SNX16: variants seen among roughly 807,000 people sequenced by gnomAD.
SNX16 encodes the protein sorting nexin 16, also known as sorting nexin-16.
SNX16 carries 35 observed loss-of-function variants against 36.7 expected under a neutral mutation model. That is an observed-to-expected ratio of 0.95 (90% CI 0.73 to 1.27). The LOEUF (loss-of-function observed/expected upper bound fraction) is 1.27. SNX16 is among the 50% of genes most tolerant of loss of function. The pLI, the probability that SNX16 is intolerant of heterozygous loss-of-function variation, is 0.00. For synonymous variants in SNX16, 134 were observed against 132.0 expected, an observed-to-expected ratio of 1.02 and a Z score of -0.10; for missense variants, 367 against 393.6, an observed-to-expected ratio of 0.93 and a Z score of 0.57.
chr8:81,805,839 T>G (rs1809911109), intron 5 of SNX16, among the ~76,000 whole-genome samples: 1 of 152,002 alleles, frequency 6.6e-6, no homozygotes, highest in Non-Finnish European at 1.5e-5. Flanking sequence ...GAGAATGGCG[T>G]GAACCTGGGA....
rs757337359 is a variant in SNX16, at chr8:81,839,825, C to T, written c.162G>A (p.Gln54=). ...TATCCATTTGATCAGGAACACTTGT[C>T]TGTTTAAAATTACCCATATTTGAGT... ...LEDSNMGNFK[Q]TSVPDQMDNT... is the part of the protein sequence containing the mutation. The change falls in exon 2 of 8, where the codon CAG becomes CAA. Residue 54 remains glutamine (Q), a synonymous_variant. Transcript: ENST00000345957. The T allele has an allele frequency of 1.3e-5, 21 of 1,613,604 alleles. No individual in the cohort carries two copies. The highest frequency in any genetic ancestry group is 1.7e-5 in the Non-Finnish European group (20 of 1,179,676).
chr8:81,831,677 CAG>C (rs1017604953), intron 2 of SNX16, among the ~76,000 whole-genome samples: 1 of 129,784 alleles, frequency 7.7e-6, no homozygotes, highest in Non-Finnish European at 1.6e-5. Flanking sequence ...TAGCGAGTGA[CAG>C]AGTGAGACTC....
chr8:81,818,633 GT>G (rs1585996494), intron 4 of SNX16, among the ~76,000 whole-genome samples: 1 of 152,200 alleles, frequency 6.6e-6, no homozygotes, highest in East Asian at 1.9e-4. Context: ...GAAATGACAA[GT>G]AACTTTTTAA....
rs1232052494 is a variant in SNX16 at position 81,839,946 on chromosome 8, T to A, written c.41A>T (p.Asn14Ile). 1.2e-6 allele frequency: 2 copies of A among 1,613,782 alleles called. No homozygotes were observed. The highest frequency in any genetic ancestry group is 1.7e-5 in the Admixed American group (1 of 60,004). The change falls in exon 2 of 8, where the codon AAC becomes ATC. Residue 14 changes from asparagine (N) to isoleucine (I), a missense_variant. Transcript: ENST00000345957. ...PYVPVPMPIG[N>I]SASSFTTNRN... ...GTTTGTTGTAAAACTGGAAGCAGAGTTTCCTATGGGCATAGGAACTGGGAC... is the reference window on the plus strand; with the variant it reads ...GTTTGTTGTAAAACTGGAAGCAGAGATTCCTATGGGCATAGGAACTGGGAC...
At chr8:81,815,220 G>A (rs1393981649) in intron 5 of SNX16, 105 bp downstream of exon 5, 2 of 831,970 alleles carry the variant, frequency 2.4e-6, no homozygotes, top group Non-Finnish European at 1.8e-6. Flanking sequence ...ACCATAGCCT[G>A]AAATTATAAT....
rs781541592 is a variant in SNX16, at chr8:81,801,516, T to C, written c.1016A>G (p.Tyr339Cys). 2.5e-6 allele frequency: 4 copies of C among 1,596,388 alleles called. No individual in the cohort carries two copies. Among genetic ancestry groups the C allele is most frequent in the South Asian group, 2.2e-5 (2 of 89,940 alleles). The change falls in exon 8 of 8, where the codon TAT becomes TGT. Residue 339 changes from tyrosine to cysteine, a missense_variant. Transcript: ENST00000345957. ...GATACATTAGTCTTCTTCAGCATCA[T>C]ATGCCACTTCTGCTACTTCTATCTC... ...VSEIEVAEVAYDAEED is the reference protein window; with the variant it reads ...VSEIEVAEVACDAEED
At chr8:81,832,569 T>C (rs1167869264) in intron 2 of SNX16, among the ~76,000 whole-genome samples, 2 of 151,986 alleles carry the variant, frequency 1.3e-5, no homozygotes, top group African/African-American at 2.4e-5. Flanking sequence ...TATTGTAAAA[T>C]AGGGCAAAAT....
In SNX16 at chr8:81,803,102, TC is replaced by T; in HGVS notation, c.807del (p.Asn270ThrfsTer8). The T allele has an allele frequency of 1.2e-6, 2 of 1,607,332 alleles. No individual in the cohort carries two copies. Among genetic ancestry groups the T allele is most frequent in the Non-Finnish European group, 1.7e-6 (2 of 1,177,434 alleles). ...AGTATCACAACACACCTGATTCTGTTCTCTAAAGTGTCTATATGAAGTTGCT... is the reference window on the plus strand; with the variant it reads ...AGTATCACAACACACCTGATTCTGTTTCTAAAGTGTCTATATGAAGTTGCT... ...SEKQLHIDTLENRIRTLSLEP... is the reference protein window; with the variant it reads ...SEKQLHIDTLXNRIRTLSLEP... On this transcript the variant is annotated frameshift_variant, in exon 6 of 8. Coordinates refer to ENST00000345957, the MANE Select transcript of SNX16 (RefSeq NM_152836.3). LOFTEE classifies it high-confidence loss of function.
chr8:81,823,660 T>C (rs1810877291), intron 4 of SNX16, 132 bp downstream of exon 4: 2 of 693,542 alleles, frequency 2.9e-6, no homozygotes, highest in East Asian at 3.0e-5. Context: ...TAGTACTTTG[T>C]TAAAGAAGAC....
intron 4 of SNX16, 33 bp from the exon 5 acceptor site, chr8:81,815,427 A>G (rs765147692): frequency 2.5e-6 from 4 of 1,594,240 alleles, no homozygotes; most frequent in Admixed American, 3.4e-5. Flanking sequence ...GATCTGAAGT[A>G]CAAATAAGTT....
At chr8:81,832,877 AC>A (rs1035524162) in intron 2 of SNX16, among the ~76,000 whole-genome samples, 1 of 150,028 alleles carries the variant, frequency 6.7e-6, no homozygotes, top group Admixed American at 6.7e-5. Context: ...TGAATAAGAA[AC>A]TCTCTTTAAA....
At chr8:81,823,051 G>T (rs1017900425) in intron 4 of SNX16, among the ~76,000 whole-genome samples, 1 of 149,448 alleles carries the variant, frequency 6.7e-6, no homozygotes, top group Non-Finnish European at 1.5e-5. Flanking sequence ...ACATGCAAAG[G>T]TTGAGAAAAA....
intron 2 of SNX16, among the ~76,000 whole-genome samples, chr8:81,831,797 A>T (rs1467005335): frequency 2.0e-5 from 3 of 152,134 alleles, no homozygotes; most frequent in African/African-American, 7.2e-5. Flanking sequence ...ACATACAAGC[A>T]GCTAAGAAAC....
At chr8:81,812,856 TAAC>T (rs1359591338) in intron 5 of SNX16, among the ~76,000 whole-genome samples, 1 of 151,944 alleles carries the variant, frequency 6.6e-6, no homozygotes, top group Non-Finnish European at 1.5e-5. Context: ...GTAAAATAGA[TAAC>T]AATAGCAACA....
intron 5 of SNX16, chr8:81,814,688 T>C (rs551870121): frequency 6.6e-6 from 1 of 152,230 alleles, no homozygotes; most frequent in African/African-American, 2.4e-5. Context: ...GGCCAGGGCA[T>C]TCAATCTAAC....
At position 81,803,175 on chromosome 8, in the gene SNX16, A is replaced by T; in HGVS notation, c.735T>A (p.Leu245=). 6.2e-7 allele frequency: 1 copy of T among 1,612,046 alleles called. No individual in the cohort carries two copies. Among genetic ancestry groups the T allele is most frequent in the Non-Finnish European group, 8.5e-7 (1 of 1,178,878 alleles). The stretch of plus-strand genomic sequence containing the variant: ...GTGATTCCATCTCCTTTTGTTTTTC[A>T]AGTAGTTCTTTCTGTAAGCGGTAGT... ...ETNYRLQKEL[L]EKQKEMESLK... The change falls in exon 6 of 8, where the codon CTT becomes CTA. Residue 245 remains leucine (L), a synonymous_variant. Coordinates refer to ENST00000345957, the MANE Select transcript of SNX16 (RefSeq NM_152836.3).
chr8:81,816,182 T>TTTTTTC (rs1554545071), intron 4 of SNX16, among the ~76,000 whole-genome samples: 50 of 79,944 alleles, frequency 6.3e-4, no homozygotes, highest in Non-Finnish European at 1.1e-3. Context: ...AAGGATTTTC[T>TTTTTTC]TTTTTTTTTT....
At chr8:81,837,862 T>G (rs545990391) in intron 2 of SNX16, among the ~76,000 whole-genome samples, 3 of 152,292 alleles carry the variant, frequency 2.0e-5, no homozygotes, top group Non-Finnish European at 4.4e-5. Flanking sequence ...TCCCTGAAGA[T>G]TTCCTATATC....
At chr8:81,818,264 T>TA (rs1383425851) in intron 4 of SNX16, among the ~76,000 whole-genome samples, 2 of 152,100 alleles carry the variant, frequency 1.3e-5, no homozygotes, top group Non-Finnish European at 2.9e-5. Context: ...ACTGTGTAAA[T>TA]AACTGAATTC....
Sources: gnomAD v4.1 joint callset for allele counts (sites outside exome capture counted in the v4.1 genomes callset) on GRCh38, gnomAD v4.1.1 for gene constraint, MANE v1.5 for transcripts, NCBI Gene and HGNC (gene_info 2026-07-23, HGNC 2026-07-21) for gene names.